SGCD: variants seen among roughly 807,000 people sequenced by gnomAD.
SGCD encodes delta-sarcoglycan.
A neutral mutation model predicts 36.6 loss-of-function variants in SGCD; 18 were observed. The ratio of observed to expected loss-of-function variants is 0.49; its 90% CI spans 0.34 to 0.73. The LOEUF (loss-of-function observed/expected upper bound fraction) is 0.73, where lower values mean the gene tolerates loss of function less well. Ranked by LOEUF, SGCD falls within the 30% of genes least tolerant of loss-of-function variation. The probability of loss-of-function intolerance (pLI) is 0.01; values close to 1 mark genes in which losing one functional copy is unlikely to be tolerated. For synonymous variants in SGCD, 133 were observed against 130.6 expected, an observed-to-expected ratio of 1.02 and a Z score of -0.12; for missense variants, 387 against 346.7, an observed-to-expected ratio of 1.12 and a Z score of -0.92.
chr5:155,862,367 T>A, the SGCD span, among the ~76,000 whole-genome samples: 1 of 152,136 alleles, frequency 6.6e-6, no homozygotes, highest in Admixed American at 6.6e-5. Flanking sequence ...ATCAAAGGGT[T>A]ACCTAGGCTA....
intron 3 of SGCD, among the ~76,000 whole-genome samples, chr5:156,321,265 A>G (rs1202791248): frequency 6.6e-6 from 1 of 151,848 alleles, no homozygotes; most frequent in Non-Finnish European, 1.5e-5. Flanking sequence ...TAAAAATACA[A>G]AAAAATTAGC....
chr5:155,950,961 G>C (rs149922873), intron 1 of SGCD, among the ~76,000 whole-genome samples: 3 of 152,066 alleles, frequency 2.0e-5, no homozygotes, highest in South Asian at 2.1e-4. Context: ...GAGCTGGGAG[G>C]CTCCTTTAAT....
intron 1 of SGCD, among the ~76,000 whole-genome samples, chr5:155,888,293 T>G (rs1756050163): frequency 6.6e-6 from 1 of 152,224 alleles, no homozygotes; most frequent in South Asian, 2.1e-4. Context: ...CAATGGTTCT[T>G]CATTTCCGAA....
the SGCD span, among the ~76,000 whole-genome samples, chr5:155,857,546 A>G: frequency 6.6e-6 from 1 of 152,340 alleles, no homozygotes; most frequent in African/African-American, 2.4e-5. Context: ...TAAAAAGTAT[A>G]TATTTGATGA....
At chr5:156,284,416 A>G (rs577355754) in intron 3 of SGCD, among the ~76,000 whole-genome samples, 2 of 152,284 alleles carry the variant, frequency 1.3e-5, no homozygotes, top group South Asian at 4.1e-4. Flanking sequence ...CGATGCAAAA[A>G]TCCTCAATAG....
chr5:155,904,642 T>A (rs1756461285), intron 1 of SGCD, among the ~76,000 whole-genome samples: 1 of 152,194 alleles, frequency 6.6e-6, no homozygotes, highest in Admixed American at 6.6e-5. Flanking sequence ...GTGCTTATGA[T>A]CTGCTGAGGG....
At chr5:155,918,603 A>C (rs1393608771) in intron 1 of SGCD, among the ~76,000 whole-genome samples, 1 of 152,182 alleles carries the variant, frequency 6.6e-6, no homozygotes, top group African/African-American at 2.4e-5. Flanking sequence ...ATAAAGTGAT[A>C]TATCCAGGAA....
chr5:156,223,592 T>A (rs1333075684), intron 3 of SGCD, among the ~76,000 whole-genome samples: 1 of 151,976 alleles, frequency 6.6e-6, no homozygotes, highest in Non-Finnish European at 1.5e-5. Context: ...GCAAGTGAGG[T>A]AGGTCCATGG....
intron 3 of SGCD, among the ~76,000 whole-genome samples, chr5:156,173,279 G>T (rs1159665347): frequency 6.6e-6 from 1 of 152,058 alleles, no homozygotes; most frequent in African/African-American, 2.4e-5. Context: ...ATGTGGACTT[G>T]CCAAAAAGAT....
intron 3 of SGCD, among the ~76,000 whole-genome samples, chr5:156,479,307 G>A (rs1027049659): frequency 6.6e-6 from 1 of 151,998 alleles, no homozygotes; most frequent in African/African-American, 2.4e-5. Context: ...TGTTGGCCAG[G>A]CTGGTCTTGA....
At chr5:156,632,200 CT>C (rs1307013774) in intron 6 of SGCD, among the ~76,000 whole-genome samples, 1 of 151,966 alleles carries the variant, frequency 6.6e-6, no homozygotes, top group Non-Finnish European at 1.5e-5. Context: ...ATTAACCCTG[CT>C]TGGGTCACAT....
At chr5:156,129,910 T>C (rs1237426779) in intron 3 of SGCD, among the ~76,000 whole-genome samples, 2 of 152,240 alleles carry the variant, frequency 1.3e-5, no homozygotes, top group East Asian at 3.9e-4. Flanking sequence ...TTTAGGTTGA[T>C]TCATTGTCTT....
chr5:156,632,019 T>A (rs551656477), intron 6 of SGCD, among the ~76,000 whole-genome samples: 1 of 152,306 alleles, frequency 6.6e-6, no homozygotes, highest in Non-Finnish European at 1.5e-5. Flanking sequence ...AAATGGGAAT[T>A]TGTAGACTTA....
intron 3 of SGCD, among the ~76,000 whole-genome samples, chr5:156,216,180 G>C (rs1270641432): frequency 6.6e-6 from 1 of 152,192 alleles, no homozygotes; most frequent in Non-Finnish European, 1.5e-5. Context: ...GGAGAGAGTA[G>C]TCGAGGAAAT....
intron 7 of SGCD, among the ~76,000 whole-genome samples, chr5:156,724,667 G>C (rs1755683957): frequency 1.3e-5 from 2 of 151,954 alleles, no homozygotes; most frequent in South Asian, 4.1e-4. Flanking sequence ...GCTTTCTAAA[G>C]ACTTATTATG....
At chr5:156,664,339 A>G (rs1480633489) in intron 7 of SGCD, among the ~76,000 whole-genome samples, 1 of 147,576 alleles carries the variant, frequency 6.8e-6, no homozygotes, top group East Asian at 2.0e-4. Context: ...TTCATATGCC[A>G]TCAACTCCAC....
At chr5:156,300,316 T>A (rs565943503) in intron 3 of SGCD, among the ~76,000 whole-genome samples, 6 of 152,178 alleles carry the variant, frequency 3.9e-5, no homozygotes, top group South Asian at 4.1e-4. Context: ...TGGTATATTG[T>A]TTTTTCATTA....
chr5:155,822,970 C>T, the SGCD span, among the ~76,000 whole-genome samples: 1 of 151,898 alleles, frequency 6.6e-6, no homozygotes, highest in African/African-American at 2.4e-5. Context: ...AGACAAAGAA[C>T]CAATACAGGA....
chr5:156,082,527 C>T (rs1434335295), intron 1 of SGCD, among the ~76,000 whole-genome samples: 8 of 152,168 alleles, frequency 5.3e-5, no homozygotes, highest in Admixed American at 5.2e-4. Context: ...TAATCCTCTG[C>T]AGATTCAACC....
Sources: allele counts gnomAD v4.1 joint callset (sites outside exome capture counted in the v4.1 genomes callset), GRCh38; gene constraint gnomAD v4.1.1; transcripts MANE v1.5; gene names NCBI Gene and HGNC (gene_info 2026-07-23, HGNC 2026-07-21).